RXRA: variants seen among roughly 807,000 people sequenced by gnomAD.
The protein encoded by RXRA is retinoid X receptor alpha.
RXRA carries 5 observed loss-of-function variants against 44.5 expected under a neutral mutation model. That is an observed-to-expected ratio of 0.11 (90% CI 0.06 to 0.24). The LOEUF (loss-of-function observed/expected upper bound fraction) is 0.24, where lower values mean the gene tolerates loss of function less well. Among genes scored for constraint, RXRA ranks in the 10% least tolerant of loss-of-function variants. The pLI is 1.00. For synonymous variants in RXRA, 291 were observed against 271.4 expected (o/e 1.07, Z -0.71); for missense variants, 412 against 646.5 (o/e 0.64, Z 3.93).
At chr9:134,338,173 A>C (rs881656) in intron 1 of RXRA, among the ~76,000 whole-genome samples, 1 of 151,694 alleles carries the variant, frequency 6.6e-6, no homozygotes, top group Non-Finnish European at 1.5e-5. Flanking sequence ...GAAGACAAGC[A>C]TGTGGTTCTG....
At chr9:134,395,933 G>A (rs1830871177) in intron 1 of RXRA, among the ~76,000 whole-genome samples, 1 of 152,218 alleles carries the variant, frequency 6.6e-6, no homozygotes. Context: ...TGGCCTGGAG[G>A]CCGCTAGCGG....
intron 1 of RXRA, among the ~76,000 whole-genome samples, chr9:134,383,371 T>A (rs922669441): frequency 2.6e-5 from 4 of 152,114 alleles, no homozygotes; most frequent in African/African-American, 9.7e-5. Context: ...CCAGACCTGC[T>A]GAGGTGGGAG....
intron 1 of RXRA, among the ~76,000 whole-genome samples, chr9:134,338,733 G>A (rs1273980557): frequency 3.9e-5 from 6 of 152,200 alleles, no homozygotes; most frequent in Non-Finnish European, 8.8e-5. Context: ...CCCTGCAGCC[G>A]GCACCCCAGC....
At chr9:134,331,945 A>G (rs2119010126) in intron 1 of RXRA, among the ~76,000 whole-genome samples, 1 of 152,280 alleles carries the variant, frequency 6.6e-6, no homozygotes, top group Non-Finnish European at 1.5e-5. Context: ...CAGGAGCCCC[A>G]TTGCTGGTCT....
intron 1 of RXRA, among the ~76,000 whole-genome samples, chr9:134,353,469 T>C (rs1214107189): frequency 6.6e-6 from 1 of 152,216 alleles, no homozygotes; most frequent in Non-Finnish European, 1.5e-5. Flanking sequence ...TGTCCCGTCA[T>C]GTGGCCCGGC....
chr9:134,394,890 G>C (rs1341684329), intron 1 of RXRA, among the ~76,000 whole-genome samples: 3 of 152,078 alleles, frequency 2.0e-5, no homozygotes. Flanking sequence ...CCAGTGTTTG[G>C]CTCCTCCTGG....
intron 1 of RXRA, among the ~76,000 whole-genome samples, chr9:134,352,179 C>T (rs1490560619): frequency 1.3e-5 from 2 of 152,094 alleles, no homozygotes; most frequent in Admixed American, 1.3e-4. Flanking sequence ...CCAGGAGCCC[C>T]TGTGGGTTTG....
chr9:134,392,501 C>G (rs543549960), intron 1 of RXRA, among the ~76,000 whole-genome samples: 1 of 152,176 alleles, frequency 6.6e-6, no homozygotes, highest in Non-Finnish European at 1.5e-5. Flanking sequence ...ACCAGTGGAG[C>G]GAGCGTGGCT....
At chr9:134,401,913 G>C (rs746941766) in intron 2 of RXRA, 31 bp downstream of exon 2, 2 of 1,513,862 alleles carry the variant, frequency 1.3e-6, no homozygotes, top group East Asian at 4.7e-5. Context: ...AGGGGAGGGG[G>C]TGGGGCCTGG....
intron 1 of RXRA, among the ~76,000 whole-genome samples, chr9:134,374,491 C>G (rs1728051739): frequency 6.6e-6 from 1 of 152,218 alleles, no homozygotes; most frequent in Non-Finnish European, 1.5e-5. Context: ...GATCCTGGCT[C>G]TCGGCCCAGG....
At chr9:134,425,767 G>A in intron 6 of RXRA, 1 of 985,382 alleles carries the variant, frequency 1.0e-6, no homozygotes, top group Non-Finnish European at 1.2e-6. Context: ...GCCGCCCTGG[G>A]ACGGGATCCC....
Position 134,366,961 on chromosome 9 carries a change from C to A in RXRA, c.29-34671C>A, listed in dbSNP as rs956943146. Among the ~76,000 whole-genome samples the A allele has an allele frequency of 1.3e-5, 2 of 152,146 alleles. No individual in the cohort carries two copies. Among genetic ancestry groups the A allele is most frequent in the African/African-American group, 4.8e-5 (2 of 41,408 alleles). ...CTGGTGGTTCCCGGGCCTGCACATC[C>A]CCACCCCTGCCCTGCGTGCCACTCT... On this transcript the variant is annotated intron_variant, in intron 1 of 9. Transcript: ENST00000481739. The surrounding 1 kb of genome is among the most constrained non-coding windows in gnomAD (Gnocchi z 5.9).
At chr9:134,370,025 T>C (rs1025483994) in intron 1 of RXRA, among the ~76,000 whole-genome samples, 22 of 152,128 alleles carry the variant, frequency 1.4e-4, no homozygotes, top group African/African-American at 4.8e-4. Context: ...CCCGTTTCCC[T>C]TTGCTGGACT....
chr9:134,428,347 G>A (rs545213912), intron 6 of RXRA, among the ~76,000 whole-genome samples: 67 of 143,564 alleles, frequency 4.7e-4, no homozygotes, highest in African/African-American at 1.6e-3. Flanking sequence ...TTGAGGGGCT[G>A]CTGTTACCTA....
In RXRA at chr9:134,339,044, A is replaced by G. The variant is rs1766850624; in HGVS notation, c.28+12385A>G. Among the ~76,000 whole-genome samples the G allele has an allele frequency of 4.6e-5, 7 of 152,244 alleles. No homozygotes were observed. In the South Asian group the frequency reaches 1.5e-3, roughly 32 times the overall value. On this transcript the variant is annotated intron_variant, in intron 1 of 9. Coordinates refer to ENST00000481739, the MANE Select transcript of RXRA (RefSeq NM_002957.6). ...TGCCCACACCGGCAGGGACCTGGGG[A>G]CTTGGAGCCGGACCTAGGTCGCCGG...
chr9:134,399,024 C>A (rs1167818246), intron 1 of RXRA, among the ~76,000 whole-genome samples: 1 of 152,258 alleles, frequency 6.6e-6, no homozygotes, highest in Non-Finnish European at 1.5e-5. Flanking sequence ...TAAGGAGGGC[C>A]CAGCCCTGGT....
At position 134,426,079 on chromosome 9, in the gene RXRA, G is replaced by C. The variant is rs1178199959; in HGVS notation, c.911-3029G>C. 1 of 985,412 alleles carries C rather than the reference G, an allele frequency of 1.0e-6. No homozygotes were observed. 61.0% of individuals were successfully genotyped at this position (985,412 alleles called of 1,614,324 possible). Reference sequence around the variant, plus strand: ...GGGCAGGGCCACGAGGGATCTGCAGGAGTAAGTTCCTTGGGAAGGGCCAGC... The same window carrying C: ...GGGCAGGGCCACGAGGGATCTGCAGCAGTAAGTTCCTTGGGAAGGGCCAGC... On this transcript the variant is annotated intron_variant, in intron 6 of 9. Transcript: ENST00000481739. The surrounding 1 kb of genome is among the most constrained non-coding windows in gnomAD (Gnocchi z 4.6).
Position 134,426,523 on chromosome 9 carries a change from G to A in RXRA, c.911-2585G>A, listed in dbSNP as rs905366201. 9 of 985,346 alleles carry A rather than the reference G, an allele frequency of 9.1e-6. No individual in the cohort carries two copies. The highest frequency in any genetic ancestry group is 1.1e-5 in the Non-Finnish European group (9 of 829,940). 61.0% of individuals were successfully genotyped at this position (985,346 alleles called of 1,614,324 possible). On this transcript the variant is annotated intron_variant, in intron 6 of 9. Transcript: ENST00000481739. The surrounding 1 kb of genome is among the most constrained non-coding windows in gnomAD (Gnocchi z 4.6). ...GCCGGAGGGTGCAGAGAGAGACTCC[G>A]CACTGTTCTGTCCGTGTGTCTGGGC...
In RXRA at chr9:134,409,074, T is replaced by TCA; in HGVS notation, c.565_566insCA (p.Tyr189SerfsTer13). ...CAAGCGGCAGCGGAACCGGTGCCAG[T>TCA]ACTGCCGCTACCAGAAGTGCCTGGC... On this transcript the variant is annotated frameshift_variant, in exon 4 of 10. Coordinates refer to ENST00000481739, the MANE Select transcript of RXRA (RefSeq NM_002957.6). LOFTEE classifies it high-confidence loss of function. 1 of 1,607,908 alleles carries TCA rather than the reference T, an allele frequency of 6.2e-7. No homozygotes were observed.
Sources: gnomAD v4.1 joint callset for allele counts (sites outside exome capture counted in the v4.1 genomes callset) on GRCh38, gnomAD v4.1.1 for gene constraint, Gnocchi (gnomAD v3.1) non-coding constraint, MANE v1.5 for transcripts, NCBI Gene and HGNC (gene_info 2026-07-23, HGNC 2026-07-21) for gene names.